CNKSR2: variants seen among roughly 807,000 people sequenced by gnomAD.
CNKSR2 encodes the protein connector enhancer of kinase suppressor of Ras 2.
Under a neutral mutation model 84.4 loss-of-function variants are expected in CNKSR2, and 14 were observed. That is an observed-to-expected ratio of 0.17 (90% confidence interval 0.11 to 0.26). CNKSR2 has a LOEUF of 0.26. Among genes scored for constraint, CNKSR2 ranks in the 10% least tolerant of loss-of-function variants. The pLI is 1.00. For synonymous variants in CNKSR2, 275 were observed against 277.9 expected, an observed-to-expected ratio of 0.99 and a Z score of 0.10; for missense variants, 485 against 771.2, an observed-to-expected ratio of 0.63 and a Z score of 4.40.
At chrX:21,464,742 G>T (rs2091105165) in intron 4 of CNKSR2, among the ~76,000 whole-genome samples, 1 of 111,780 alleles carries the variant, frequency 8.9e-6, no homozygotes, top group Non-Finnish European at 1.9e-5. Context: ...TATTATATTA[G>T]ATAGGCTGCC....
chrX:21,380,848 G>A (rs1171003695), intron 1 of CNKSR2, among the ~76,000 whole-genome samples: 3 of 112,225 alleles, frequency 2.7e-5, no homozygotes, highest in Non-Finnish European at 3.8e-5. Flanking sequence ...CTTCTAAAAA[G>A]AGTACTAAAA....
chrX:21,497,661 G>T, intron 6 of CNKSR2, 126 bp from the exon 7 acceptor site: 1 of 472,049 alleles, frequency 2.1e-6, no homozygotes, highest in Non-Finnish European at 3.8e-6. Context: ...TGTCTTCATG[G>T]ATTTATTTCT....
chrX:21,524,211 A>C (rs1178179962), intron 9 of CNKSR2, among the ~76,000 whole-genome samples: 2 of 110,747 alleles, frequency 1.8e-5, no homozygotes, highest in African/African-American at 6.5e-5. Context: ...TCCATGATAA[A>C]CCAGTTGAAA....
chrX:21,613,931 T>C (rs1180664857), intron 20 of CNKSR2, among the ~76,000 whole-genome samples: 1 of 99,673 alleles, frequency 1.0e-5, no homozygotes, highest in African/African-American at 3.8e-5. Flanking sequence ...AGAGCAAGAC[T>C]CTGTCTCCAA....
intron 13 of CNKSR2, among the ~76,000 whole-genome samples, chrX:21,587,865 T>A (rs1344627617): frequency 8.9e-6 from 1 of 111,815 alleles, no homozygotes; most frequent in East Asian, 2.8e-4. Flanking sequence ...CTAGAAGAAC[T>A]CATAGGACTC....
At chrX:21,412,513 A>G (rs978035802) in intron 1 of CNKSR2, among the ~76,000 whole-genome samples, 3 of 112,333 alleles carry the variant, frequency 2.7e-5, no homozygotes, top group Non-Finnish European at 3.8e-5. Flanking sequence ...GTTAAGTCCC[A>G]TCATGATTAG....
At chrX:21,379,132 A>C (rs2089862011) in intron 1 of CNKSR2, among the ~76,000 whole-genome samples, 1 of 112,988 alleles carries the variant, frequency 8.9e-6, no homozygotes, top group Non-Finnish European at 1.9e-5. Context: ...AAGTCTAGTC[A>C]GTATAAAAGT....
intron 1 of CNKSR2, among the ~76,000 whole-genome samples, chrX:21,402,150 G>A (rs1057084985): frequency 7.2e-5 from 8 of 110,582 alleles, no homozygotes; most frequent in African/African-American, 2.6e-4. Flanking sequence ...ATAAAAACAG[G>A]GTTGCCACAT....
At chrX:21,501,758 A>AT (rs892640331) in intron 8 of CNKSR2, among the ~76,000 whole-genome samples, 170 bp downstream of exon 8, 4 of 110,866 alleles carry the variant, frequency 3.6e-5, no homozygotes, top group South Asian at 7.5e-4. Flanking sequence ...AACGTAAAGC[A>AT]TTTTTTTAAA....
At chrX:21,495,562 T>A (rs1355568042) in intron 6 of CNKSR2, 17 of 107,916 alleles carry the variant, frequency 1.6e-4, no homozygotes, top group African/African-American at 4.8e-4. Context: ...GGCAGGCAGA[T>A]CACCTGAGGT....
chrX:21,426,534 T>A lies in CNKSR2; in HGVS notation c.102T>A (p.Phe34Leu). The part of the protein sequence containing the change: ...DDCLQQYIKN[F>L]EREKISGDQL... ...GTTTGCAGCAGTATATTAAGAACTT[T>A]GAGAGGGAGAAGATCAGTGGGGACC... is the stretch of plus-strand genomic sequence containing the variant. Residue 34 changes from phenylalanine to leucine, a missense_variant, in exon 2 of 22, where the codon TTT becomes TTA. By Grantham distance (22) the Phe-to-Leu change is conservative (BLOSUM62 0). Around this residue, in one of 5 missense-constraint regions of CNKSR2, gnomAD observed 109 missense variants for 197.5 expected, o/e 0.55. Coordinates refer to ENST00000379510, the MANE Select transcript of CNKSR2 (RefSeq NM_014927.5). 8.3e-7 allele frequency: 1 copy of A among 1,209,614 alleles called. No individual in the cohort carries two copies. Among genetic ancestry groups the A allele is most frequent in the Non-Finnish European group, 1.1e-6 (1 of 894,248 alleles).
chrX:21,576,503 T>C, intron 13 of CNKSR2, among the ~76,000 whole-genome samples: 1 of 110,992 alleles, frequency 9.0e-6, no homozygotes, highest in Non-Finnish European at 1.9e-5. Flanking sequence ...GAAGATTTAA[T>C]AAAGATAATG....
intron 11 of CNKSR2, among the ~76,000 whole-genome samples, chrX:21,533,193 A>G (rs1017058306): frequency 9.0e-6 from 1 of 110,716 alleles, no homozygotes; most frequent in African/African-American, 3.3e-5. Flanking sequence ...ACACTACTCT[A>G]GTGGCAATTA....
chrX:21,549,024 C>T (rs961063140), intron 11 of CNKSR2, among the ~76,000 whole-genome samples: 1 of 112,485 alleles, frequency 8.9e-6, no homozygotes, highest in African/African-American at 3.2e-5. Flanking sequence ...GACAAGGATG[C>T]CCTCTCTCAC....
intron 1 of CNKSR2, among the ~76,000 whole-genome samples, chrX:21,384,225 T>C (rs2089938680): frequency 9.0e-6 from 1 of 111,273 alleles, no homozygotes; most frequent in South Asian, 3.8e-4. Context: ...TTTGATGTGG[T>C]ATAGAGCTAG....
intron 4 of CNKSR2, among the ~76,000 whole-genome samples, chrX:21,469,705 G>T (rs1601829535): frequency 9.0e-6 from 1 of 110,903 alleles, no homozygotes; most frequent in Non-Finnish European, 1.9e-5. Context: ...GAGGTTGGGA[G>T]TTTGAGACCA....
chrX:21,464,342 A>G (rs1291685217), intron 4 of CNKSR2, among the ~76,000 whole-genome samples: 1 of 112,045 alleles, frequency 8.9e-6, no homozygotes, highest in Non-Finnish European at 1.9e-5. Context: ...GTTTGGGGGA[A>G]AGGGGGCATT....
intron 20 of CNKSR2, among the ~76,000 whole-genome samples, chrX:21,614,690 A>G (rs923989453): frequency 1.6e-4 from 18 of 111,855 alleles, no homozygotes; most frequent in African/African-American, 5.8e-4. Flanking sequence ...AAGATTAGCT[A>G]TAATTCTGAT....
chrX:21,542,077 A>G (rs923533480), intron 11 of CNKSR2, among the ~76,000 whole-genome samples: 7 of 112,405 alleles, frequency 6.2e-5, no homozygotes, highest in Admixed American at 9.4e-5. Context: ...TATGAACCTG[A>G]CAGGCCTTAG....
Sources: gnomAD v4.1 joint callset for allele counts (sites outside exome capture counted in the v4.1 genomes callset) on GRCh38, gnomAD v4.1.1 for gene constraint, gnomAD v4.1.1 regional missense constraint, MANE v1.5 for transcripts, NCBI Gene and HGNC (gene_info 2026-07-23, HGNC 2026-07-21) for gene names.